The following LTBP1 variants were observed in gnomAD, a reference collection of about 807,000 sequenced individuals.
LTBP1 encodes latent transforming growth factor beta binding protein 1, also known as latent-transforming growth factor beta-binding protein 1.
Under a neutral mutation model 207.6 loss-of-function variants are expected in LTBP1, and 129 were observed. That is an observed-to-expected ratio of 0.62 (90% CI 0.54 to 0.72). The LOEUF is 0.72. Among genes scored for constraint, LTBP1 ranks in the 30% least tolerant of loss-of-function variants. The pLI is 0.00. For synonymous variants in LTBP1, 963 were observed against 833.7 expected, an observed-to-expected ratio of 1.16 and a Z score of -2.67; for missense variants, 2,281 against 2,217.2, an observed-to-expected ratio of 1.03 and a Z score of -0.58.
chr2:33,212,096 T>C (rs1248726606), intron 7 of LTBP1, among the ~76,000 whole-genome samples: 1 of 152,224 alleles, frequency 6.6e-6, no homozygotes, highest in African/African-American at 2.4e-5. Context: ...GTGTTGTAAA[T>C]GTAGTAACAT....
intron 17 of LTBP1, among the ~76,000 whole-genome samples, 183 bp from the exon 18 acceptor site, chr2:33,275,618 A>C (rs1158827079): frequency 6.6e-6 from 1 of 151,792 alleles, no homozygotes; most frequent in Non-Finnish European, 1.5e-5. Context: ...CAGGAGGTGG[A>C]GGTTGCAGTG....
chr2:33,191,438 T>G (rs939864929), intron 7 of LTBP1, among the ~76,000 whole-genome samples: 3 of 152,232 alleles, frequency 2.0e-5, no homozygotes, highest in African/African-American at 2.4e-5. Context: ...ATACACAGCT[T>G]CAAAATAAGA....
intron 3 of LTBP1, among the ~76,000 whole-genome samples, chr2:33,076,602 T>G (rs2149807834): frequency 6.6e-6 from 1 of 152,054 alleles, no homozygotes; most frequent in African/African-American, 2.4e-5. Context: ...AGTGGCGTGA[T>G]CTCAGCTCAC....
intron 7 of LTBP1, among the ~76,000 whole-genome samples, chr2:33,207,938 A>G (rs1213539876): frequency 1.3e-5 from 2 of 152,210 alleles, no homozygotes; most frequent in Non-Finnish European, 2.9e-5. Flanking sequence ...TCATAGTGAA[A>G]AGACAGTTTA....
chr2:33,096,308 GAT>G (rs1268080463), intron 3 of LTBP1, among the ~76,000 whole-genome samples: 2 of 151,732 alleles, frequency 1.3e-5, no homozygotes, highest in African/African-American at 2.4e-5. Flanking sequence ...GGTGAAATAA[GAT>G]ATTTTCATAA....
chr2:33,328,456 C>A (rs192970915), intron 24 of LTBP1, among the ~76,000 whole-genome samples: 1 of 152,146 alleles, frequency 6.6e-6, no homozygotes, highest in Non-Finnish European at 1.5e-5. Context: ...TTAATTAATT[C>A]ACAGTTCATT....
At chr2:32,985,902 G>T (rs1683484210) in intron 2 of LTBP1, among the ~76,000 whole-genome samples, 1 of 152,006 alleles carries the variant, frequency 6.6e-6, no homozygotes, top group South Asian at 2.1e-4. Context: ...TCTGGCTTCT[G>T]ATTGGCTTCT....
intron 5 of LTBP1, among the ~76,000 whole-genome samples, chr2:33,163,279 T>C (rs1433591177): frequency 2.0e-5 from 3 of 152,214 alleles, no homozygotes; most frequent in Admixed American, 6.5e-5. Flanking sequence ...ACACCCAGCC[T>C]TTAAGAGGCT....
chr2:33,071,698 C>G (rs530600210), intron 3 of LTBP1, among the ~76,000 whole-genome samples: 1 of 152,188 alleles, frequency 6.6e-6, no homozygotes, highest in African/African-American at 2.4e-5. Flanking sequence ...CTTCCTCATG[C>G]AGATAGTAGT....
intron 24 of LTBP1, among the ~76,000 whole-genome samples, chr2:33,340,257 C>CAA (rs1198759101): frequency 4.2e-4 from 38 of 89,612 alleles, no homozygotes; most frequent in East Asian, 1.5e-3. Context: ...GACTCTGTCT[C>CAA]AAAAAAAAAA....
chr2:33,172,008 C>T (rs1377057585), intron 5 of LTBP1, among the ~76,000 whole-genome samples: 2 of 152,152 alleles, frequency 1.3e-5, no homozygotes, highest in Non-Finnish European at 2.9e-5. Context: ...CTGAAGGAAG[C>T]ACTAAACATG....
chr2:33,293,148 A>G lies in LTBP1; in HGVS notation c.3113-12A>G. ...CTTTTTTTGTTCTTTCCATTACGCA[A>G]CATTCTTCAAGATGTGGACGAGTGC... is the stretch of plus-strand genomic sequence containing the variant. On this transcript the variant is annotated splice_polypyrimidine_tract_variant and intron_variant, in intron 19 of 33. Transcript: ENST00000404816. 1.9e-6 allele frequency: 3 copies of G among 1,606,044 alleles called. No homozygotes were observed. Among genetic ancestry groups the G allele is most frequent in the Non-Finnish European group, 2.5e-6 (3 of 1,178,116 alleles).
chr2:33,173,155 A>G (rs1183425814), intron 5 of LTBP1, among the ~76,000 whole-genome samples: 3 of 152,356 alleles, frequency 2.0e-5, no homozygotes, highest in South Asian at 4.1e-4. Context: ...AACTAAAATC[A>G]GAGCAGAAGT....
chr2:32,947,099 C>T lies in LTBP1; in HGVS notation c.-226C>T. 3.0e-6 allele frequency: 1 copy of T among 331,122 alleles called. No homozygotes were observed. The highest frequency in any genetic ancestry group is 5.4e-6 in the Non-Finnish European group (1 of 183,916). The allele number at this position is 331,122 out of a possible 1,614,324, so 20.5% of individuals were successfully genotyped here. On this transcript the variant is annotated 5_prime_UTR_variant, in exon 1 of 34. Transcript: ENST00000404816. ...CTCCCCGCTCCCCGGGCTCCGCGCTCCCCACCCCCACGCCCTCCTCCTGCT... is the reference window on the plus strand; with the variant it reads ...CTCCCCGCTCCCCGGGCTCCGCGCTTCCCACCCCCACGCCCTCCTCCTGCT...
intron 32 of LTBP1, among the ~76,000 whole-genome samples, chr2:33,395,821 T>G (rs1176971529): frequency 6.6e-6 from 1 of 151,692 alleles, no homozygotes; most frequent in South Asian, 2.1e-4. Context: ...TTGCCCTCCA[T>G]AAGCAATGAT....
At chr2:33,234,848 T>C (rs72858063) in intron 9 of LTBP1, among the ~76,000 whole-genome samples, 12,297 of 152,064 alleles carry the variant, frequency 0.081, 925 homozygotes, top group African/African-American at 0.2. Context: ...TAACTGTATA[T>C]GCAGAAAACA....
At chr2:33,114,536 G>A (rs2080620737) in intron 4 of LTBP1, among the ~76,000 whole-genome samples, 1 of 152,152 alleles carries the variant, frequency 6.6e-6, no homozygotes, top group South Asian at 2.1e-4. Flanking sequence ...GCTTCTAGCA[G>A]CTGTCCTTCA....
intron 13 of LTBP1, among the ~76,000 whole-genome samples, 199 bp downstream of exon 13, chr2:33,259,809 G>C (rs1558902577): frequency 6.6e-6 from 1 of 151,978 alleles, no homozygotes; most frequent in Non-Finnish European, 1.5e-5. Context: ...TCAGTGTTAG[G>C]AAAACAATAG....
chr2:33,146,228 G>A (rs977021221), intron 5 of LTBP1, among the ~76,000 whole-genome samples: 1 of 152,208 alleles, frequency 6.6e-6, no homozygotes, highest in Non-Finnish European at 1.5e-5. Flanking sequence ...TGTGGATGCA[G>A]CAGCAACAGC....
Sources: gnomAD v4.1 joint callset for allele counts (sites outside exome capture counted in the v4.1 genomes callset) on GRCh38, gnomAD v4.1.1 for gene constraint, MANE v1.5 for transcripts, NCBI Gene and HGNC (gene_info 2026-07-23, HGNC 2026-07-21) for gene names.